Variants in SH3RF2 observed in about 807,000 individuals in gnomAD.
SH3RF2 encodes SH3 domain containing ring finger 2.
In SH3RF2, 43 loss-of-function variants were observed where a neutral mutation model predicts 59.0. That is an observed-to-expected ratio of 0.73 (90% CI 0.57 to 0.94). The LOEUF is 0.94. Ranked by LOEUF, SH3RF2 falls within the 40% of genes least tolerant of loss-of-function variation. The pLI, the probability that SH3RF2 is intolerant of heterozygous loss-of-function variation, is 0.00. For synonymous variants in SH3RF2, 391 were observed against 391.5 expected (o/e 1.00, Z 0.01); for missense variants, 930 against 940.1 (o/e 0.99, Z 0.14).
intron 9 of SH3RF2, among the ~76,000 whole-genome samples, chr5:146,074,755 C>G (rs1763308723): frequency 6.6e-6 from 1 of 151,830 alleles, no homozygotes; most frequent in African/African-American, 2.4e-5. Flanking sequence ...TCTTCTCTTC[C>G]TCCCTTCAGC....
intron 3 of SH3RF2, among the ~76,000 whole-genome samples, chr5:146,003,563 G>A (rs1351116503): frequency 6.6e-6 from 1 of 152,114 alleles, no homozygotes; most frequent in Non-Finnish European, 1.5e-5. Flanking sequence ...TTGCTTATCT[G>A]TATTTTCAAA....
At chr5:146,040,434 G>A (rs749516661) in intron 5 of SH3RF2, among the ~76,000 whole-genome samples, 1 of 152,160 alleles carries the variant, frequency 6.6e-6, no homozygotes, top group South Asian at 2.1e-4. Flanking sequence ...GAAGTGCAAG[G>A]TCAGGGGTGT....
chr5:146,007,605 G>C (rs891506313), intron 4 of SH3RF2, among the ~76,000 whole-genome samples: 2 of 152,240 alleles, frequency 1.3e-5, no homozygotes, highest in Middle Eastern at 3.4e-3. Context: ...TCTGGGCTGG[G>C]GGGGAAGGCA....
intron 5 of SH3RF2, among the ~76,000 whole-genome samples, chr5:146,027,644 A>G (rs1329713374): frequency 6.6e-6 from 1 of 152,248 alleles, no homozygotes; most frequent in Non-Finnish European, 1.5e-5. Context: ...GGGAGTATGT[A>G]ATGGAGGGTC....
chr5:146,060,470 T>C (rs963974629), intron 9 of SH3RF2, among the ~76,000 whole-genome samples: 1 of 152,130 alleles, frequency 6.6e-6, no homozygotes, highest in Non-Finnish European at 1.5e-5. Context: ...TTATACATCT[T>C]TTGAGGCCCA....
At position 145,944,778 on chromosome 5, in the gene SH3RF2, G is replaced by A. The variant is rs139944107; in HGVS notation, c.378+6472G>A. On this transcript the variant is annotated intron_variant, in intron 2 of 9. Transcript: ENST00000359120. Reference sequence around the variant, plus strand: ...CTTTCTTCTCCCTTTTCTTGTATTAGCCTCTTAGTAATATTAATTGTCCAT... The same window carrying A: ...CTTTCTTCTCCCTTTTCTTGTATTAACCTCTTAGTAATATTAATTGTCCAT... Among the ~76,000 whole-genome samples, 58 of 152,116 alleles carry A rather than the reference G, an allele frequency of 3.8e-4. No individual in the cohort carries two copies. The East Asian group carries it at 0.011, about 29-fold the overall frequency.
intron 9 of SH3RF2, among the ~76,000 whole-genome samples, chr5:146,074,913 G>T (rs1325585564): frequency 2.6e-5 from 4 of 152,010 alleles, no homozygotes; most frequent in Non-Finnish European, 5.9e-5. Flanking sequence ...TGTGACTTTA[G>T]GTAAGTCACT....
chr5:146,040,977 A>T (rs1159261235), intron 5 of SH3RF2, among the ~76,000 whole-genome samples: 5 of 152,124 alleles, frequency 3.3e-5, no homozygotes, highest in African/African-American at 1.2e-4. Context: ...AACGGTGGTC[A>T]TCCTGTCCAC....
downstream of SH3RF2, among the ~76,000 whole-genome samples, chr5:146,066,706 G>T (rs890349334): frequency 1.3e-5 from 2 of 152,152 alleles, no homozygotes; most frequent in African/African-American, 4.8e-5. Flanking sequence ...CAGCATTTGG[G>T]TTTAAATGTA....
At chr5:145,999,207 C>A (rs1471507518) in intron 2 of SH3RF2, among the ~76,000 whole-genome samples, 1 of 152,088 alleles carries the variant, frequency 6.6e-6, no homozygotes, top group East Asian at 1.9e-4. Flanking sequence ...TCTGCAGCTT[C>A]CTCATCTCTC....
intron 3 of SH3RF2, among the ~76,000 whole-genome samples, chr5:146,003,165 A>T (rs894627283): frequency 1.3e-5 from 2 of 152,340 alleles, no homozygotes; most frequent in Admixed American, 1.3e-4. Context: ...GCATTAAATT[A>T]AAAAAATCAC....
chr5:146,016,366 G>T (rs535003392), intron 5 of SH3RF2, among the ~76,000 whole-genome samples: 48 of 142,066 alleles, frequency 3.4e-4, no homozygotes, highest in African/African-American at 1.3e-3. Context: ...ATGGATGGAT[G>T]GATGGATGGA....
At chr5:145,997,730 T>C in intron 2 of SH3RF2, 9 of 1,574,396 alleles carry the variant, frequency 5.7e-6, no homozygotes, top group Non-Finnish European at 7.0e-6. Context: ...AGCAAATTTT[T>C]GAAGCAGTTA....
chr5:145,958,527 C>G (rs1416591424), intron 2 of SH3RF2, among the ~76,000 whole-genome samples: 1 of 152,200 alleles, frequency 6.6e-6, no homozygotes, highest in African/African-American at 2.4e-5. Context: ...AAGTTTATCA[C>G]AGGTTTTCTT....
chr5:146,072,143 C>T (rs1357619744), intron 9 of SH3RF2, among the ~76,000 whole-genome samples: 1 of 152,122 alleles, frequency 6.6e-6, no homozygotes, highest in East Asian at 1.9e-4. Context: ...AAATCCTGAC[C>T]CCACTTGTCA....
chr5:145,999,916 T>G, intron 2 of SH3RF2, 142 bp from the exon 3 acceptor site: 1 of 871,618 alleles, frequency 1.1e-6, no homozygotes, highest in Non-Finnish European at 1.7e-6. Flanking sequence ...TAACACAGGT[T>G]GCCATAAACC....
In SH3RF2 at chr5:146,017,083, G is replaced by A. The variant is rs138249688; in HGVS notation, c.1059+3022G>A. On this transcript the variant is annotated intron_variant, in intron 5 of 9. Transcript: ENST00000359120. ...GAGCCAGGAATATTTTTTCCCCTTT[G>A]TCATTGTGTCTTTCTACCTGTGGGA... Among the ~76,000 whole-genome samples the A allele has an allele frequency of 3.3e-3, 498 of 152,182 alleles. 3 individuals are homozygous for A. Among genetic ancestry groups the A allele is most frequent in the South Asian group, 5.2e-3 (25 of 4,828 alleles).
At chr5:145,986,887 T>G (rs554203754) in intron 2 of SH3RF2, among the ~76,000 whole-genome samples, 64 of 152,296 alleles carry the variant, frequency 4.2e-4, no homozygotes, top group Non-Finnish European at 7.2e-4. Flanking sequence ...TGATGTAAAC[T>G]CCTACTTCCT....
At chr5:146,004,884 T>G (rs941984229) in intron 4 of SH3RF2, among the ~76,000 whole-genome samples, 4 of 152,154 alleles carry the variant, frequency 2.6e-5, no homozygotes, top group African/African-American at 9.6e-5. Context: ...ACTACTGAAC[T>G]GTACACTTAA....
Sources: gnomAD v4.1 joint callset for allele counts (sites outside exome capture counted in the v4.1 genomes callset) on GRCh38, gnomAD v4.1.1 for gene constraint, MANE v1.5 for transcripts, NCBI Gene and HGNC (gene_info 2026-07-23, HGNC 2026-07-21) for gene names.